The following CD99 variants were observed in gnomAD, a reference collection of about 807,000 sequenced individuals.
The protein encoded by CD99 is CD99 molecule (Xg blood group), also known as CD99 antigen.
In CD99, 19 loss-of-function variants were observed where a neutral mutation model predicts 28.4. That is an observed-to-expected ratio of 0.67 (90% CI 0.47 to 0.98). CD99 has a LOEUF of 0.98. CD99 is among the 50% of genes least tolerant of loss of function. CD99 has a pLI of 0.00. For synonymous variants in CD99, 103 were observed against 92.1 expected (o/e 1.12, Z -0.67); for missense variants, 283 against 248.8 (o/e 1.14, Z -0.92).
At chrX:2,725,921 C>G (rs1490693568) in intron 7 of CD99, among the ~76,000 whole-genome samples, 2 of 152,142 alleles carry the variant, frequency 1.3e-5, no homozygotes, top group African/African-American at 2.4e-5. Flanking sequence ...CCCCAGCTCT[C>G]TTTCCATCTG....
intron 1 of CD99, among the ~76,000 whole-genome samples, chrX:2,707,349 G>GAAAAGAAA (rs1398603140): frequency 6.8e-6 from 1 of 147,668 alleles, no homozygotes; most frequent in Non-Finnish European, 1.5e-5. Flanking sequence ...GAAAAGAAAA[G>GAAAAGAAA]AAAAAAACAG....
chrX:2,715,090 C>T (rs139139825), intron 2 of CD99: 4,509 of 152,336 alleles, frequency 0.03, 111 homozygotes, highest in Non-Finnish European at 0.048. Flanking sequence ...AATCGGCACC[C>T]GCTGTCTCCA....
chrX:2,735,138 CA>C (rs1376379169), intron 8 of CD99, among the ~76,000 whole-genome samples: 3 of 152,202 alleles, frequency 2.0e-5, no homozygotes, highest in Non-Finnish European at 4.4e-5. Context: ...TCTGTCCTAA[CA>C]CCGCTTAAAG....
At chrX:2,733,775 G>A (rs2049797923) in intron 8 of CD99, 1 of 238,364 alleles carries the variant, frequency 4.2e-6, no homozygotes, top group African/African-American at 2.2e-5. Context: ...AGTGTCCTAG[G>A]TTAAGCTCAC....
intron 5 of CD99, among the ~76,000 whole-genome samples, chrX:2,722,273 C>G (rs2049027439): frequency 6.6e-6 from 1 of 152,074 alleles, no homozygotes; most frequent in Non-Finnish European, 1.5e-5. Context: ...ATAAATATTG[C>G]CAGCATGCAA....
At chrX:2,724,686 C>G (rs1447211968) in intron 7 of CD99, among the ~76,000 whole-genome samples, 1 of 152,000 alleles carries the variant, frequency 6.6e-6, no homozygotes, top group Non-Finnish European at 1.5e-5. Flanking sequence ...GGGTGGATCA[C>G]TTGAGGTCAG....
At chrX:2,713,629 TG>T (rs1471341588) in intron 1 of CD99, among the ~76,000 whole-genome samples, 1 of 152,194 alleles carries the variant, frequency 6.6e-6, no homozygotes, top group Non-Finnish European at 1.5e-5. Context: ...GTTGTGGAAC[TG>T]GACACACTTC....
At chrX:2,720,117 A>G (rs2048922792) in intron 4 of CD99, among the ~76,000 whole-genome samples, 1 of 152,142 alleles carries the variant, frequency 6.6e-6, no homozygotes, top group Non-Finnish European at 1.5e-5. Context: ...TTGGCCCTAG[A>G]AATTCTGTAG....
chrX:2,708,502 G>A (rs984807444), intron 1 of CD99, among the ~76,000 whole-genome samples: 4 of 152,162 alleles, frequency 2.6e-5, no homozygotes, highest in Non-Finnish European at 4.4e-5. Flanking sequence ...GCCCAAGGTC[G>A]ATGATAGAAT....
At chrX:2,707,720 A>C (rs1205539073) in intron 1 of CD99, among the ~76,000 whole-genome samples, 1 of 152,222 alleles carries the variant, frequency 6.6e-6, no homozygotes, top group African/African-American at 2.4e-5. Flanking sequence ...GCAAATTTGC[A>C]GAGAGGCTGA....
intron 9 of CD99, among the ~76,000 whole-genome samples, chrX:2,739,389 C>G (rs1206399733): frequency 6.6e-6 from 1 of 152,060 alleles, no homozygotes; most frequent in Admixed American, 6.6e-5. Context: ...AGATGCAGTG[C>G]TTATTTTTAA....
chrX:2,722,778 C>CA (rs980670823), intron 6 of CD99, 104 bp downstream of exon 6: 136 of 1,185,080 alleles, frequency 1.1e-4, no homozygotes, highest in Non-Finnish European at 1.5e-4. Flanking sequence ...TCTGTGAACT[C>CA]ACAGTGAAAT....
In CD99 at chrX:2,740,858, C is replaced by T; in HGVS notation, c.*54C>T. 6.3e-7 allele frequency: 1 copy of T among 1,598,442 alleles called. No homozygotes were observed. The highest frequency in any genetic ancestry group is 8.6e-7 in the Non-Finnish European group (1 of 1,165,710). On this transcript the variant is annotated 3_prime_UTR_variant, in exon 10 of 10. Coordinates refer to ENST00000381192, the MANE Select transcript of CD99 (RefSeq NM_002414.5). ...TTGGCAGCAGGGTTAGAACAGCTGCCTGAGGCTCCTCCCTGAAGGACACCT... is the reference window on the plus strand; with the variant it reads ...TTGGCAGCAGGGTTAGAACAGCTGCTTGAGGCTCCTCCCTGAAGGACACCT...
At chrX:2,739,122 G>A (rs1304297399) in intron 9 of CD99, among the ~76,000 whole-genome samples, 6 of 152,072 alleles carry the variant, frequency 3.9e-5, no homozygotes, top group Admixed American at 6.6e-5. Flanking sequence ...TCCGACCTCA[G>A]CTTCCCAGAG....
chrX:2,710,606 A>C (rs964460480), intron 1 of CD99, among the ~76,000 whole-genome samples: 5 of 150,606 alleles, frequency 3.3e-5, no homozygotes, highest in Non-Finnish European at 5.9e-5. Flanking sequence ...TCTAAAGAGA[A>C]TGTCTTTCTT....
intron 1 of CD99, among the ~76,000 whole-genome samples, chrX:2,709,156 A>G (rs1185728501): frequency 6.6e-6 from 1 of 152,086 alleles, no homozygotes; most frequent in African/African-American, 2.4e-5. Context: ...GGCCATGGAC[A>G]CACACCAGAC....
chrX:2,717,018 G>C (rs1389070635), intron 2 of CD99, among the ~76,000 whole-genome samples: 2 of 152,188 alleles, frequency 1.3e-5, no homozygotes, highest in Middle Eastern at 3.4e-3. Context: ...TGCCTTCCTG[G>C]CTTATGTCTC....
chrX:2,738,760 G>A (rs967196842), intron 9 of CD99, among the ~76,000 whole-genome samples: 1 of 151,834 alleles, frequency 6.6e-6, no homozygotes, highest in East Asian at 1.9e-4. Context: ...CACGATTGGT[G>A]CATAGTTGGG....
rs770862071 is a variant in CD99, at chrX:2,693,150, G to GTGGT, written c.67+1724_67+1725insGGTT. On this transcript the variant is annotated intron_variant, in intron 1 of 9. Transcript: ENST00000381192. ...TTTTTTGTTTTTGTTGGTGGTGGTG[G>GTGGT]TTTTTTTTTTTTGGACGGAGTTTCA... Among the ~76,000 whole-genome samples the GTGGT allele has an allele frequency of 7.9e-3, 1,166 of 147,080 alleles. 15 individuals carry two copies. Among genetic ancestry groups the GTGGT allele is most frequent in the African/African-American group, 0.027 (1,084 of 40,300 alleles).
Sources: gnomAD v4.1 joint callset for allele counts (sites outside exome capture counted in the v4.1 genomes callset) on GRCh38, gnomAD v4.1.1 for gene constraint, MANE v1.5 for transcripts, NCBI Gene and HGNC (gene_info 2026-07-23, HGNC 2026-07-21) for gene names.